The following PCDHGA6 variants were observed in gnomAD, a reference collection of about 807,000 sequenced individuals.
PCDHGA6 encodes the protein protocadherin gamma subfamily A, 6.
A neutral mutation model predicts 60.6 loss-of-function variants in PCDHGA6; 41 were observed. The ratio of observed to expected loss-of-function variants is 0.68; its 90% CI spans 0.53 to 0.88. The LOEUF (loss-of-function observed/expected upper bound fraction) is 0.88. Among genes scored for constraint, PCDHGA6 ranks in the 40% least tolerant of loss-of-function variants. The pLI, the probability that PCDHGA6 is intolerant of heterozygous loss-of-function variation, is 0.00. For synonymous variants in PCDHGA6, 594 were observed against 524.4 expected, an observed-to-expected ratio of 1.13 and a Z score of -1.81; for missense variants, 1,312 against 1,203.0, an observed-to-expected ratio of 1.09 and a Z score of -1.34.
chr5:141,414,412 G>A, intron 1 of PCDHGA6: 1 of 1,613,832 alleles, frequency 6.2e-7, no homozygotes, highest in South Asian at 1.1e-5. Flanking sequence ...GATACACAGA[G>A]CCCTTGACAG....
chr5:141,414,592 G>T, intron 1 of PCDHGA6: 1 of 1,613,920 alleles, frequency 6.2e-7, no homozygotes, highest in Non-Finnish European at 8.5e-7. Flanking sequence ...CGCCAGGGGT[G>T]CCTCCATCTT....
chr5:141,404,934 C>G, intron 1 of PCDHGA6: 1 of 1,613,986 alleles, frequency 6.2e-7, no homozygotes. Context: ...GTCACGCTCA[C>G]AGTAGCCATA....
intron 1 of PCDHGA6, among the ~76,000 whole-genome samples, chr5:141,445,778 T>G (rs1045010487): frequency 6.6e-6 from 1 of 152,190 alleles, no homozygotes; most frequent in East Asian, 1.9e-4. Context: ...TTAAAAGGGC[T>G]AGGGAGGCTA....
chr5:141,386,566 T>C (rs577943993), intron 1 of PCDHGA6, among the ~76,000 whole-genome samples: 30 of 152,200 alleles, frequency 2.0e-4, no homozygotes, highest in African/African-American at 7.2e-4. Flanking sequence ...TTGCACATGA[T>C]AGACTCTGTA....
rs760617436 is a variant in PCDHGA6 at position 141,410,113 on chromosome 5, A to T, written c.2424+33606A>T. On this transcript the variant is annotated intron_variant, in intron 1 of 3. Transcript: ENST00000517434. The stretch of plus-strand genomic sequence containing the variant: ...CTCGAGCCTTAGGCGACAGGGACGC[A>T]GCCCGCCAGCGCCTGCTGGTCGCTG... 5 of 1,612,436 alleles carry T rather than the reference A, an allele frequency of 3.1e-6. No individual in the cohort carries two copies. The African/African-American group carries it at 6.7e-5, about 22-fold the overall frequency.
chr5:141,419,013 G>A, intron 1 of PCDHGA6: 2 of 1,613,958 alleles, frequency 1.2e-6, no homozygotes, highest in South Asian at 2.2e-5. Flanking sequence ...GTCAGGTGTA[G>A]CTTAAGTAGA....
chr5:141,388,789 T>A (rs2091491529), intron 1 of PCDHGA6: 1 of 1,613,948 alleles, frequency 6.2e-7, no homozygotes, highest in Non-Finnish European at 8.5e-7. Context: ...ATTACTGTTT[T>A]AAATACATTA....
At chr5:141,423,444 A>C (rs1340932902) in intron 1 of PCDHGA6, 1 of 1,614,050 alleles carries the variant, frequency 6.2e-7, no homozygotes. Flanking sequence ...TGCCCACGTC[A>C]CATTTTGTAG....
In PCDHGA6 at chr5:141,490,347, G is replaced by T; in HGVS notation, c.2425-4460G>T. On this transcript the variant is annotated intron_variant, in intron 1 of 3. Coordinates refer to ENST00000517434, the MANE Select transcript of PCDHGA6 (RefSeq NM_018919.3). This position sits in a 1 kb window ranked among gnomAD's most constrained non-coding sequence, Gnocchi z 5.4. ...AGAGCACACCAGTGGGCACAGTAGT[G>T]GGGTTGTTTAATGTGCGAGACCGGG... 1 of 1,614,180 alleles carries T rather than the reference G, an allele frequency of 6.2e-7. No homozygotes were observed.
intron 1 of PCDHGA6, chr5:141,385,154 C>A (rs761681846): frequency 6.2e-7 from 1 of 1,614,208 alleles, no homozygotes; most frequent in Admixed American, 1.7e-5. Context: ...TTCCTGCAGA[C>A]CTATTCCCAT....
rs370432555 is a variant in PCDHGA6 at position 141,388,865 on chromosome 5, G to A, written c.2424+12358G>A. On this transcript the variant is annotated intron_variant, in intron 1 of 3. Transcript: ENST00000517434. Reference sequence around the variant, plus strand: ...CAAGGGACGGTGGAGGAATGATTGCGCAATGCACAGTGGAGGTAGAAGTCA... The same window carrying A: ...CAAGGGACGGTGGAGGAATGATTGCACAATGCACAGTGGAGGTAGAAGTCA... 10 of 1,613,808 alleles carry A rather than the reference G, an allele frequency of 6.2e-6. No homozygotes were observed. In the East Asian group the frequency reaches 6.7e-5, roughly 11 times the overall value.
intron 1 of PCDHGA6, chr5:141,414,797 G>A: frequency 6.2e-7 from 1 of 1,614,230 alleles, no homozygotes. Context: ...GCCAGCGACA[G>A]CGGGGATCCT....
At position 141,485,225 on chromosome 5, in the gene PCDHGA6, T is replaced by C; in HGVS notation, c.2425-9582T>C. The C allele has an allele frequency of 1.2e-6, 2 of 1,614,156 alleles. No homozygotes were observed. Among genetic ancestry groups the C allele is most frequent in the Non-Finnish European group, 1.7e-6 (2 of 1,180,010 alleles). On this transcript the variant is annotated intron_variant, in intron 1 of 3. Coordinates refer to ENST00000517434, the MANE Select transcript of PCDHGA6 (RefSeq NM_018919.3). The surrounding 1 kb of genome is among the most constrained non-coding windows in gnomAD (Gnocchi z 5.7). Reference sequence around the variant, plus strand: ...AGAAATCTGGCGGTGGGCTACCCTTTTGTTCCTCTTTTACCACCTGGGTTA... The same window carrying C: ...AGAAATCTGGCGGTGGGCTACCCTTCTGTTCCTCTTTTACCACCTGGGTTA...
At chr5:141,394,175 T>A in intron 1 of PCDHGA6, 1 of 1,613,944 alleles carries the variant, frequency 6.2e-7, no homozygotes, top group South Asian at 1.1e-5. Flanking sequence ...CTTTCCCTCA[T>A]GCCTCCTACT....
At chr5:141,468,995 T>G (rs533843461) in intron 1 of PCDHGA6, among the ~76,000 whole-genome samples, 1 of 147,628 alleles carries the variant, frequency 6.8e-6, no homozygotes, top group Non-Finnish European at 1.5e-5. Context: ...TTATTGTTTT[T>G]GCTGGGTGCG....
intron 1 of PCDHGA6, chr5:141,433,018 T>C: frequency 6.2e-7 from 1 of 1,614,120 alleles, no homozygotes. Flanking sequence ...TGCAGACCTA[T>C]TCCCACGAGG....
rs182905441 is a variant in PCDHGA6, at chr5:141,450,871, C to A, written c.2425-43936C>A. Among the ~76,000 whole-genome samples, 581 of 149,672 alleles carry A rather than the reference C, an allele frequency of 3.9e-3. 6 individuals carry two copies. Among genetic ancestry groups the A allele is most frequent in the Admixed American group, 0.011 (168 of 14,998 alleles). ...ATGGGGTCTTGCTCTGTCACCCAGGCTGGTGTGCAGTGGTGCGATATCGGC... is the reference window on the plus strand; with the variant it reads ...ATGGGGTCTTGCTCTGTCACCCAGGATGGTGTGCAGTGGTGCGATATCGGC... On this transcript the variant is annotated intron_variant, in intron 1 of 3. Coordinates refer to ENST00000517434, the MANE Select transcript of PCDHGA6 (RefSeq NM_018919.3).
In PCDHGA6 at chr5:141,431,135, A is replaced by T. The variant is rs140069213; in HGVS notation, c.2424+54628A>T. On this transcript the variant is annotated intron_variant, in intron 1 of 3. Transcript: ENST00000517434. This position sits in a 1 kb window ranked among gnomAD's most constrained non-coding sequence, Gnocchi z 4.8. ...TGGAGTAGAAGTAGAAGTAAGGGAC[A>T]TTAACGACAATGCGCCTTACTTTCG... 1 of 1,614,266 alleles carries T rather than the reference A, an allele frequency of 6.2e-7. No homozygotes were observed. Among genetic ancestry groups the T allele is most frequent in the African/African-American group, 1.3e-5 (1 of 75,078 alleles).
chr5:141,494,237 G>A (rs555725765), intron 1 of PCDHGA6, among the ~76,000 whole-genome samples: 3 of 152,312 alleles, frequency 2.0e-5, no homozygotes, highest in East Asian at 3.9e-4. Flanking sequence ...AATTAATAAT[G>A]TATTTAGCTG....
Sources: allele counts gnomAD v4.1 joint callset (sites outside exome capture counted in the v4.1 genomes callset), GRCh38; gene constraint gnomAD v4.1.1; non-coding constraint Gnocchi (gnomAD v3.1); transcripts MANE v1.5; gene names NCBI Gene and HGNC (gene_info 2026-07-23, HGNC 2026-07-21).